Variants in KAZN observed in about 807,000 individuals in gnomAD.
The protein encoded by KAZN is kazrin, periplakin interacting protein, also known as kazrin.
In KAZN, 40 loss-of-function variants were observed where a neutral mutation model predicts 87.4. That is an observed-to-expected ratio of 0.46 (90% CI 0.36 to 0.60). The LOEUF (loss-of-function observed/expected upper bound fraction) is 0.60. KAZN is among the 20% of genes least tolerant of loss of function. The pLI is 0.00. For missense variants in KAZN, 898 were observed against 1,073.9 expected (o/e 0.84, Z 2.29); for synonymous variants, 466 against 458.3 (o/e 1.02, Z -0.22).
At position 14,417,386 on chromosome 1, in the gene KAZN, G is replaced by A. The variant is rs532582707; in HGVS notation, c.250-181597G>A. On this transcript the variant is annotated intron_variant, in intron 2 of 16. Coordinates refer to the KAZN transcript ENST00000636203. ...GAGGTTCTTCGCCATTTCTCTGGCG[G>A]CTGATTTGGAAGGAAAGATACTTAA... Among the ~76,000 whole-genome samples, 6 of 152,274 alleles carry A rather than the reference G, an allele frequency of 3.9e-5. No individual in the cohort carries two copies. The South Asian group carries it at 1.0e-3, about 26-fold the overall frequency.
At chr1:14,882,349 G>A (rs995464483) in intron 1 of KAZN, among the ~76,000 whole-genome samples, 1 of 152,222 alleles carries the variant, frequency 6.6e-6, no homozygotes, top group African/African-American at 2.4e-5. Flanking sequence ...CTCAGCGGCA[G>A]TAACATTGAA....
At chr1:14,251,337 C>T (rs149659851) in intron 2 of KAZN, among the ~76,000 whole-genome samples, 27 of 152,328 alleles carry the variant, frequency 1.8e-4, no homozygotes, top group Non-Finnish European at 3.5e-4. Flanking sequence ...AACCATTCCC[C>T]TCCCCGGCAT....
At chr1:14,700,039 G>A (rs1333536932) in intron 1 of KAZN, among the ~76,000 whole-genome samples, 1 of 152,126 alleles carries the variant, frequency 6.6e-6, no homozygotes, top group East Asian at 1.9e-4. Context: ...AGGAGAACAT[G>A]ACAGCCTCCA....
chr1:15,111,267 GTTGT>G (rs780333051), intron 13 of KAZN, among the ~76,000 whole-genome samples: 3,196 of 21,318 alleles, frequency 0.15, 116 homozygotes, highest in African/African-American at 0.35. Flanking sequence ...TTCTGTTGTT[GTTGT>G]TTGTTGTTGT....
chr1:14,200,600 G>A (rs1339795643), intron 2 of KAZN, among the ~76,000 whole-genome samples: 1 of 152,132 alleles, frequency 6.6e-6, no homozygotes, highest in Non-Finnish European at 1.5e-5. Flanking sequence ...GTAACATATA[G>A]GCAAACACAG....
intron 1 of KAZN, among the ~76,000 whole-genome samples, chr1:14,808,059 C>G (rs1276867272): frequency 6.6e-6 from 1 of 152,144 alleles, no homozygotes; most frequent in East Asian, 1.9e-4. Context: ...CCAGTCCCAC[C>G]TGGGGTGGCA....
At chr1:15,047,103 T>G (rs1471079709) in intron 4 of KAZN, among the ~76,000 whole-genome samples, 1 of 152,192 alleles carries the variant, frequency 6.6e-6, no homozygotes, top group East Asian at 1.9e-4. Context: ...CGTGTGAATG[T>G]TGGCAACTCA....
At chr1:15,104,836 A>T (rs964061984) in intron 13 of KAZN, among the ~76,000 whole-genome samples, 31 of 152,202 alleles carry the variant, frequency 2.0e-4, no homozygotes, top group African/African-American at 7.5e-4. Context: ...GATCAGTAGC[A>T]CTATCCCTCC....
intron 2 of KAZN, among the ~76,000 whole-genome samples, chr1:14,548,921 T>C (rs1282861689): frequency 6.6e-6 from 1 of 152,230 alleles, no homozygotes; most frequent in Non-Finnish European, 1.5e-5. Flanking sequence ...ACATGATCCA[T>C]CTCTCCACTG....
intron 2 of KAZN, among the ~76,000 whole-genome samples, chr1:14,493,978 A>G (rs1357434908): frequency 2.0e-5 from 3 of 152,150 alleles, no homozygotes; most frequent in African/African-American, 7.2e-5. Flanking sequence ...CTTCTCTCCT[A>G]GGATGTTCTA....
At chr1:14,286,130 A>G (rs1433186440) in intron 2 of KAZN, among the ~76,000 whole-genome samples, 1 of 152,206 alleles carries the variant, frequency 6.6e-6, no homozygotes, top group African/African-American at 2.4e-5. Context: ...CAACAGAAGT[A>G]TGTCATCTCA....
intron 1 of KAZN, among the ~76,000 whole-genome samples, chr1:14,779,609 A>G (rs1645274231): frequency 1.3e-5 from 2 of 151,642 alleles, no homozygotes; most frequent in Admixed American, 6.6e-5. Flanking sequence ...TTTCTTCTTT[A>G]TTTCCTGGGC....
chr1:14,745,083 C>T (rs1407655889), intron 1 of KAZN, among the ~76,000 whole-genome samples: 4 of 152,000 alleles, frequency 2.6e-5, no homozygotes, highest in Non-Finnish European at 2.9e-5. Context: ...ACCATTGAAT[C>T]GCCTTATGAC....
chr1:14,409,635 G>T (rs1664145159), intron 2 of KAZN, among the ~76,000 whole-genome samples: 1 of 152,110 alleles, frequency 6.6e-6, no homozygotes, highest in Admixed American at 6.5e-5. Flanking sequence ...AGAGAGACAT[G>T]CACCTTCAAC....
intron 1 of KAZN, among the ~76,000 whole-genome samples, chr1:14,920,568 A>G (rs1388620986): frequency 6.6e-6 from 1 of 152,126 alleles, no homozygotes; most frequent in Non-Finnish European, 1.5e-5. Context: ...GCCAAGTTGT[A>G]TCCAGCCTCA....
intron 2 of KAZN, among the ~76,000 whole-genome samples, chr1:14,320,985 C>A (rs7552034): frequency 6.6e-6 from 1 of 151,964 alleles, no homozygotes; most frequent in Non-Finnish European, 1.5e-5. Flanking sequence ...TTGTTTTTAT[C>A]TATTTATTTT....
Position 14,050,154 on chromosome 1 carries a change from T to C in KAZN, c.92-130281T>C, listed in dbSNP as rs373153866. ...TGCACATGTGTGGATTTGGGTATGC[T>C]TGTGCGCGTGTGTGGGTGTGTGCGC... On this transcript the variant is annotated intron_variant, in intron 1 of 16. Coordinates refer to the KAZN transcript ENST00000636203. Among the ~76,000 whole-genome samples, 4 of 143,886 alleles carry C rather than the reference T, an allele frequency of 2.8e-5. No homozygotes were observed. The East Asian group carries it at 7.8e-4, about 28-fold the overall frequency. 94.4% of individuals were successfully genotyped at this position (143,886 alleles called of 152,430 possible). A position where few individuals can be genotyped will look rare whatever the true frequency, so the allele number is the denominator to read the frequency against.
chr1:14,935,113 C>T (rs1660297462), intron 1 of KAZN, among the ~76,000 whole-genome samples: 1 of 152,236 alleles, frequency 6.6e-6, no homozygotes, highest in South Asian at 2.1e-4. Flanking sequence ...AAGGGGCAAA[C>T]CTGCATCCCT....
At chr1:14,202,965 C>T (rs1260690729) in intron 2 of KAZN, among the ~76,000 whole-genome samples, 3 of 151,972 alleles carry the variant, frequency 2.0e-5, no homozygotes, top group South Asian at 2.1e-4. Flanking sequence ...TGCCGTGAGC[C>T]GAGATCGCAC....
Sources: allele counts gnomAD v4.1 joint callset (sites outside exome capture counted in the v4.1 genomes callset), GRCh38; gene constraint gnomAD v4.1.1; transcripts MANE v1.5; gene names NCBI Gene and HGNC (gene_info 2026-07-23, HGNC 2026-07-21).